The following SPRED1 variants were observed in gnomAD, a reference collection of about 807,000 sequenced individuals.
SPRED1 encodes the protein sprouty-related, EVH1 domain-containing protein 1.
SPRED1 carries 18 observed loss-of-function variants against 52.3 expected under a neutral mutation model. The observed-to-expected ratio is 0.34, with a 90% CI of 0.24 to 0.51. The LOEUF is 0.51. SPRED1 is among the 20% of genes least tolerant of loss of function. The pLI, the probability that SPRED1 is intolerant of heterozygous loss-of-function variation, is 0.97. For synonymous variants in SPRED1, 155 were observed against 179.7 expected (o/e 0.86, Z 1.10); for missense variants, 485 against 551.0 (o/e 0.88, Z 1.20).
chr15:38,282,181 A>T (rs1056602587), intron 1 of SPRED1, among the ~76,000 whole-genome samples: 1 of 151,978 alleles, frequency 6.6e-6, no homozygotes, highest in South Asian at 2.1e-4. Context: ...TTAAGTTAAC[A>T]TTTCTTATTC....
intron 4 of SPRED1, among the ~76,000 whole-genome samples, chr15:38,331,638 G>T (rs1895809616): frequency 2.6e-5 from 4 of 151,964 alleles, no homozygotes; most frequent in Admixed American, 2.0e-4. Flanking sequence ...TTTTACTAGG[G>T]TAGGTATATT....
intron 2 of SPRED1, among the ~76,000 whole-genome samples, chr15:38,305,355 C>CTT (rs112141797): frequency 0.75 from 102,271 of 136,138 alleles, 39,644 homozygotes; most frequent in Non-Finnish European, 0.85. Context: ...AAAAAAAAAA[C>CTT]TTTTTTTTTT....
At position 38,351,774 on chromosome 15, in the gene SPRED1, G is replaced by T; in HGVS notation, c.*110G>T. The stretch of plus-strand genomic sequence containing the variant: ...ATGGAATCTTGCCTGGTATCATTGA[G>T]CCCACACATGGAGGAAGCAGAACTC... On this transcript the variant is annotated 3_prime_UTR_variant, in exon 7 of 7. Coordinates refer to ENST00000299084, the MANE Select transcript of SPRED1 (RefSeq NM_152594.3). 2 of 1,319,360 alleles carry T rather than the reference G, an allele frequency of 1.5e-6. No individual in the cohort carries two copies. The highest frequency in any genetic ancestry group is 2.1e-6 in the Non-Finnish European group (2 of 948,054). The allele number at this position is 1,319,360 out of a possible 1,614,324, so 81.7% of individuals were successfully genotyped here.
At chr15:38,260,227 T>G (rs908259922) in intron 1 of SPRED1, among the ~76,000 whole-genome samples, 5 of 152,242 alleles carry the variant, frequency 3.3e-5, no homozygotes, top group African/African-American at 4.8e-5. Flanking sequence ...CTAAAACCAG[T>G]AGGGGAATCC....
chr15:38,313,972 T>C (rs1895419748), intron 2 of SPRED1, among the ~76,000 whole-genome samples: 1 of 151,866 alleles, frequency 6.6e-6, no homozygotes, highest in African/African-American at 2.4e-5. Context: ...TTTGATTCAC[T>C]TGTCATTTAG....
rs370371441 is a variant in SPRED1 at position 38,304,597 on chromosome 15, TCA to T, written c.207+5051_207+5052del. Among the ~76,000 whole-genome samples the T allele has an allele frequency of 3.6e-3, 549 of 152,320 alleles. 5 individuals carry two copies. The highest frequency in any genetic ancestry group is 0.013 in the African/African-American group (527 of 41,574). On this transcript the variant is annotated intron_variant, in intron 2 of 6. Transcript: ENST00000299084. The stretch of plus-strand genomic sequence containing the variant: ...TCTATTAGCTTTCATTTTCATCTAC[TCA>T]TCTTAGCAATTTCTTCCCAAAGCCA...
intron 1 of SPRED1, among the ~76,000 whole-genome samples, chr15:38,261,608 C>T (rs758719723): frequency 4.6e-5 from 7 of 152,136 alleles, no homozygotes; most frequent in Non-Finnish European, 8.8e-5. Flanking sequence ...GAGTCTTGCT[C>T]TGTCTCCCAG....
At chr15:38,336,437 ATAT>A (rs1453904824) in intron 4 of SPRED1, among the ~76,000 whole-genome samples, 129 of 32,660 alleles carry the variant, frequency 3.9e-3, no homozygotes, top group African/African-American at 6.6e-3. Flanking sequence ...TATATATATA[ATAT>A]TATATATATG....
At chr15:38,305,353 AAC>A (rs1895231823) in intron 2 of SPRED1, among the ~76,000 whole-genome samples, 1 of 66,596 alleles carries the variant, frequency 1.5e-5, no homozygotes, top group Non-Finnish European at 3.7e-5. Flanking sequence ...AAAAAAAAAA[AAC>A]TTTTTTTTTT....
At position 38,322,452 on chromosome 15, in the gene SPRED1, A is replaced by G. The variant is rs755008513; in HGVS notation, c.376+43A>G. 11 of 1,595,504 alleles carry G rather than the reference A, an allele frequency of 6.9e-6. No homozygotes were observed. In the African/African-American group the frequency reaches 1.1e-4, roughly 16 times the overall value. On this transcript the variant is annotated intron_variant, in intron 3 of 6. Transcript: ENST00000299084. The stretch of plus-strand genomic sequence containing the variant: ...TTTTCTTAATTTATTTATCGGTTAT[A>G]TATAGTAGAGGTTATCTTTCTTAAA...
intron 4 of SPRED1, chr15:38,326,217 A>C (rs1471170134): frequency 6.6e-6 from 1 of 152,244 alleles, no homozygotes; most frequent in Non-Finnish European, 1.5e-5. Flanking sequence ...TCATGGCAGT[A>C]ATGTGGGAGG....
intron 4 of SPRED1, among the ~76,000 whole-genome samples, chr15:38,337,914 A>T (rs373719074): frequency 6.6e-6 from 1 of 151,694 alleles, no homozygotes; most frequent in East Asian, 1.9e-4. Context: ...GCAGATATTC[A>T]ATTTATAATA....
chr15:38,347,517 A>G (rs1202113284), intron 5 of SPRED1, among the ~76,000 whole-genome samples: 2 of 134,556 alleles, frequency 1.5e-5, no homozygotes, highest in Non-Finnish European at 3.1e-5. Context: ...TAAAATATTT[A>G]GAATCAGCTT....
intron 2 of SPRED1, 47 bp downstream of exon 2, chr15:38,299,594 CTGTT>C: frequency 6.4e-7 from 1 of 1,557,992 alleles, no homozygotes; most frequent in Non-Finnish European, 8.8e-7. Context: ...AATGAATTAT[CTGTT>C]TAAAGTTATG....
intron 4 of SPRED1, among the ~76,000 whole-genome samples, chr15:38,333,814 T>A (rs1895854659): frequency 6.6e-6 from 1 of 152,128 alleles, no homozygotes; most frequent in Admixed American, 6.6e-5. Flanking sequence ...CTAGCAACAT[T>A]TATTGAAATA....
intron 5 of SPRED1, among the ~76,000 whole-genome samples, chr15:38,341,205 C>G (rs1019363189): frequency 4.0e-5 from 6 of 151,804 alleles, no homozygotes; most frequent in Admixed American, 2.6e-4. Flanking sequence ...TGCCTTCTCT[C>G]CTTTGATTAT....
intron 1 of SPRED1, among the ~76,000 whole-genome samples, chr15:38,284,593 A>G (rs1894765185): frequency 6.6e-6 from 1 of 152,224 alleles, no homozygotes; most frequent in African/African-American, 2.4e-5. Context: ...TGGAAGTTTT[A>G]AGTGGTATTA....
rs183737369 is a variant in SPRED1, at chr15:38,309,857, C to T, written c.207+10310C>T. 7.6e-3 allele frequency among the ~76,000 whole-genome samples: 1,156 copies of T among 152,190 alleles called. 18 individuals carry two copies. The highest frequency in any genetic ancestry group is 9.7e-3 in the Non-Finnish European group (660 of 68,000). On this transcript the variant is annotated intron_variant, in intron 2 of 6. Coordinates refer to ENST00000299084, the MANE Select transcript of SPRED1 (RefSeq NM_152594.3). ...GCACCATTGTTGAAAAGATTGGATT[C>T]CTCCCTTGAATTACTTTTGTTCTCA...
In SPRED1 at chr15:38,253,090, C is replaced by A. The variant is rs1443923579; in HGVS notation, c.-96C>A. The A allele has an allele frequency of 2.7e-6, 3 of 1,110,448 alleles. No homozygotes were observed. Among genetic ancestry groups the A allele is most frequent in the Non-Finnish European group, 2.7e-6 (2 of 750,680 alleles). The allele number at this position is 1,110,448 out of a possible 1,614,324, so 68.8% of individuals were successfully genotyped here. A position where few individuals can be genotyped will look rare whatever the true frequency, so the allele number is the denominator to read the frequency against. On this transcript the variant is annotated 5_prime_UTR_variant, in exon 1 of 7. Transcript: ENST00000299084. ...CCCCTGTGCCGCTGCCCCCGCGCCC[C>A]CCCGGCCGCCGCTGCCTCCTGCCCC...
Sources: allele counts gnomAD v4.1 joint callset (sites outside exome capture counted in the v4.1 genomes callset), GRCh38; gene constraint gnomAD v4.1.1; transcripts MANE v1.5; gene names NCBI Gene and HGNC (gene_info 2026-07-23, HGNC 2026-07-21).